The following PTPRM variants were observed in gnomAD, a reference collection of about 807,000 sequenced individuals.
The protein encoded by PTPRM is protein tyrosine phosphatase receptor type M.
A neutral mutation model predicts 186.7 loss-of-function variants in PTPRM; 47 were observed. The observed-to-expected ratio is 0.25, with a 90% CI of 0.20 to 0.32. PTPRM has a LOEUF of 0.32. Ranked by LOEUF, PTPRM falls within the 10% of genes least tolerant of loss-of-function variation. The pLI is 1.00. For missense variants in PTPRM, 1,494 were observed against 1,865.0 expected (o/e 0.80, Z 3.66); for synonymous variants, 668 against 674.9 (o/e 0.99, Z 0.16).
chr18:8,341,726 AAAG>A (rs1253526085), intron 22 of PTPRM, among the ~76,000 whole-genome samples: 1 of 147,942 alleles, frequency 6.8e-6, no homozygotes, highest in Non-Finnish European at 1.5e-5. Flanking sequence ...CTGTTTGCGC[AAAG>A]AAGGACTCAC....
At chr18:8,228,640 T>G (rs8086412) in intron 14 of PTPRM, among the ~76,000 whole-genome samples, 79,194 of 147,802 alleles carry the variant, frequency 0.54, 21,625 homozygotes, top group Middle Eastern at 0.74. Context: ...AGGAGATCGA[T>G]ACCATCCTGG....
chr18:7,982,654 G>GC (rs1281564377), intron 7 of PTPRM, among the ~76,000 whole-genome samples: 1 of 152,036 alleles, frequency 6.6e-6, no homozygotes, highest in African/African-American at 2.4e-5. Flanking sequence ...GATTGTATGT[G>GC]CTTGACTTTT....
At chr18:7,641,585 C>T (rs758550302) in intron 1 of PTPRM, among the ~76,000 whole-genome samples, 10 of 152,178 alleles carry the variant, frequency 6.6e-5, no homozygotes, top group African/African-American at 1.2e-4. Context: ...AAGAAGTGGG[C>T]GGTTGCCCAC....
At chr18:7,706,718 G>A (rs758087147) in intron 1 of PTPRM, among the ~76,000 whole-genome samples, 7 of 151,372 alleles carry the variant, frequency 4.6e-5, no homozygotes, top group African/African-American at 7.3e-5. Flanking sequence ...CTATCCCAGC[G>A]GAACACAATG....
intron 22 of PTPRM, among the ~76,000 whole-genome samples, chr18:8,331,901 G>A (rs1401107815): frequency 6.6e-6 from 1 of 152,212 alleles, no homozygotes; most frequent in Non-Finnish European, 1.5e-5. Context: ...TGATAGCAGC[G>A]CCAGCTCCAC....
intron 2 of PTPRM, among the ~76,000 whole-genome samples, chr18:7,800,623 A>T (rs609470): frequency 0.064 from 9,715 of 152,244 alleles, 925 homozygotes; most frequent in African/African-American, 0.2. Context: ...AAGTAATCCA[A>T]ATCTTAGTTA....
At chr18:8,277,344 G>C (rs1049696703) in intron 19 of PTPRM, among the ~76,000 whole-genome samples, 1 of 152,168 alleles carries the variant, frequency 6.6e-6, no homozygotes, top group Non-Finnish European at 1.5e-5. Flanking sequence ...AGTTTTATTT[G>C]TGTTGTTTGT....
At chr18:7,863,668 A>G (rs1306821425) in intron 2 of PTPRM, among the ~76,000 whole-genome samples, 2 of 152,164 alleles carry the variant, frequency 1.3e-5, no homozygotes, top group East Asian at 1.9e-4. Context: ...ATACGTGTGC[A>G]TGTGTCTTTA....
chr18:8,104,172 C>G (rs574756115), intron 11 of PTPRM, among the ~76,000 whole-genome samples: 1 of 152,310 alleles, frequency 6.6e-6, no homozygotes, highest in East Asian at 1.9e-4. Flanking sequence ...ATAAATGGCA[C>G]TGACAGACTT....
chr18:8,017,582 C>CAAAAAAAAAA, intron 7 of PTPRM, among the ~76,000 whole-genome samples: 1 of 64,724 alleles, frequency 1.5e-5, no homozygotes, highest in Non-Finnish European at 2.8e-5. Context: ...GACTCCTTCT[C>CAAAAAAAAAA]AAAAAAAAAA....
intron 1 of PTPRM, among the ~76,000 whole-genome samples, chr18:7,577,469 A>G (rs542314325): frequency 1.3e-5 from 2 of 152,190 alleles, no homozygotes; most frequent in Admixed American, 6.5e-5. Context: ...GGAATAATAT[A>G]TATTATCTCT....
At chr18:8,378,744 A>G (rs370887356) in intron 27 of PTPRM, among the ~76,000 whole-genome samples, 15 of 152,272 alleles carry the variant, frequency 9.9e-5, no homozygotes, top group Admixed American at 4.6e-4. Context: ...CCACAGCATA[A>G]CCATGGCACA....
At chr18:8,230,606 T>A (rs1004139402) in intron 14 of PTPRM, among the ~76,000 whole-genome samples, 11 of 152,256 alleles carry the variant, frequency 7.2e-5, no homozygotes, top group African/African-American at 2.4e-4. Flanking sequence ...AGTTTCCTCA[T>A]TGGGCTTTTG....
Position 8,286,404 on chromosome 18 carries a change from G to C in PTPRM, c.2755-9964G>C, listed in dbSNP as rs184246799. On this transcript the variant is annotated intron_variant, in intron 19 of 32. Coordinates refer to ENST00000580170, the MANE Select transcript of PTPRM (RefSeq NM_001105244.2). ...GAACCACCTCTGACTCTACAGATGA[G>C]TGATCAGCACCACGTGGAAACTTCC... Among the ~76,000 whole-genome samples, 17 of 152,338 alleles carry C rather than the reference G, an allele frequency of 1.1e-4. No individual in the cohort carries two copies. In the East Asian group the frequency reaches 2.3e-3, roughly 21 times the overall value.
intron 4 of PTPRM, among the ~76,000 whole-genome samples, chr18:7,908,172 C>T (rs1301177212): frequency 6.6e-6 from 1 of 152,042 alleles, no homozygotes; most frequent in Non-Finnish European, 1.5e-5. Context: ...AGTGTCTGAA[C>T]CAGTTTATAT....
chr18:8,287,778 G>A (rs182533156), intron 19 of PTPRM, among the ~76,000 whole-genome samples: 1 of 152,308 alleles, frequency 6.6e-6, no homozygotes, highest in Admixed American at 6.5e-5. Flanking sequence ...GAAAATTACT[G>A]TCTCTCTGAA....
At chr18:7,792,856 G>T (rs1387374192) in intron 2 of PTPRM, among the ~76,000 whole-genome samples, 1 of 151,846 alleles carries the variant, frequency 6.6e-6, no homozygotes, top group Admixed American at 6.6e-5. Context: ...GTAGAGATGG[G>T]GTCTTTCTGT....
At chr18:8,339,949 C>A (rs950589253) in intron 22 of PTPRM, among the ~76,000 whole-genome samples, 3 of 152,028 alleles carry the variant, frequency 2.0e-5, no homozygotes, top group Non-Finnish European at 4.4e-5. Flanking sequence ...GCATTAAAAA[C>A]CTTATTTGGG....
intron 15 of PTPRM, 147 bp from the exon 16 acceptor site, chr18:8,247,698 G>A: frequency 1.6e-6 from 1 of 609,710 alleles, no homozygotes; most frequent in Non-Finnish European, 2.9e-6. Context: ...GAAACAACTG[G>A]GAATGATGAT....
Sources: gnomAD v4.1 joint callset for allele counts (sites outside exome capture counted in the v4.1 genomes callset) on GRCh38, gnomAD v4.1.1 for gene constraint, MANE v1.5 for transcripts, NCBI Gene and HGNC (gene_info 2026-07-23, HGNC 2026-07-21) for gene names.